RERE: variants seen among roughly 807,000 people sequenced by gnomAD.
RERE encodes arginine-glutamic acid dipeptide repeats.
RERE carries 40 observed loss-of-function variants against 146.1 expected under a neutral mutation model. The observed-to-expected ratio is 0.27, with a 90% CI of 0.21 to 0.36. The LOEUF (loss-of-function observed/expected upper bound fraction) is 0.36. RERE is among the 10% of genes least tolerant of loss of function. RERE has a pLI of 1.00. For missense variants in RERE, 1,933 were observed against 2,138.7 expected, an observed-to-expected ratio of 0.90 and a Z score of 1.90; for synonymous variants, 1,003 against 866.0, an observed-to-expected ratio of 1.16 and a Z score of -2.78.
At chr1:8,388,823 G>A (rs1642779668) in intron 12 of RERE, among the ~76,000 whole-genome samples, 1 of 152,204 alleles carries the variant, frequency 6.6e-6, no homozygotes, top group African/African-American at 2.4e-5. Context: ...ATATGCAAGT[G>A]CTTCCTTGCT....
intron 12 of RERE, among the ~76,000 whole-genome samples, chr1:8,390,764 C>T (rs1642859028): frequency 6.6e-6 from 1 of 152,152 alleles, no homozygotes. Context: ...GAGGGAACTC[C>T]TGATCTTCAC....
rs546893146 is a variant in RERE, at chr1:8,673,159, G to A, written c.-144-16718C>T. Among the ~76,000 whole-genome samples the A allele has an allele frequency of 9.2e-5, 14 of 152,174 alleles. No homozygotes were observed. The East Asian group carries it at 2.3e-3, about 25-fold the overall frequency. On this transcript the variant is annotated intron_variant, in intron 1 of 22. Coordinates refer to ENST00000400908, the MANE Select transcript of RERE (RefSeq NM_001042681.2). ...CGTCACCCAGGCAGTTCAATGGCAC[G>A]ATCTCAGCTCACTGCAACCTCCACC... is the stretch of plus-strand genomic sequence containing the variant.
At chr1:8,534,032 G>A (rs1645692035) in intron 7 of RERE, among the ~76,000 whole-genome samples, 1 of 152,156 alleles carries the variant, frequency 6.6e-6, no homozygotes. Context: ...TGTGATGGCA[G>A]ATAAAAGCAA....
chr1:8,395,454 AAC>A (rs1259211783), intron 12 of RERE, among the ~76,000 whole-genome samples: 3 of 150,770 alleles, frequency 2.0e-5, no homozygotes, highest in Non-Finnish European at 4.4e-5. Flanking sequence ...CAGCCTGAGC[AAC>A]AGAGTGAGGC....
At chr1:8,456,173 G>C (rs2124090811) in intron 11 of RERE, among the ~76,000 whole-genome samples, 1 of 152,292 alleles carries the variant, frequency 6.6e-6, no homozygotes, top group South Asian at 2.1e-4. Flanking sequence ...TTTGACTCAA[G>C]AAAGGAAGAT....
In RERE at chr1:8,360,843, G is replaced by T; in HGVS notation, c.2664C>A (p.Ser888=). The change falls in exon 18 of 23, where the codon TCC becomes TCA. Residue 888 remains serine (S), a synonymous_variant. Coordinates refer to ENST00000400908, the MANE Select transcript of RERE (RefSeq NM_001042681.2). ...AGGTGTGAGGGTACGCTGCTGCTGG[G>T]GAGGTCCCCAGAGGGGCCTGGCCTT... ...ASQGQAPLGT[S]PAAAYPHTSL... 6.5e-7 allele frequency: 1 copy of T among 1,541,924 alleles called. No individual in the cohort carries two copies.
At chr1:8,559,583 T>C (rs1343286835) in intron 4 of RERE, among the ~76,000 whole-genome samples, 1 of 152,126 alleles carries the variant, frequency 6.6e-6, no homozygotes, top group Admixed American at 6.6e-5. Flanking sequence ...ATAAATAGAA[T>C]AAATGTTACA....
intron 19 of RERE, 37 bp from the exon 20 acceptor site, chr1:8,358,953 G>A (rs1179293372): frequency 2.0e-6 from 3 of 1,500,010 alleles, no homozygotes; most frequent in African/African-American, 1.4e-5. Context: ...GGTCCCCCGA[G>A]CGCCTGGGGT....
chr1:8,683,671 A>C (rs916472937), intron 1 of RERE, among the ~76,000 whole-genome samples: 3 of 152,224 alleles, frequency 2.0e-5, no homozygotes, highest in African/African-American at 7.2e-5. Context: ...GACCAGGCGC[A>C]GTGGCTCAGG....
At chr1:8,743,185 C>T (rs1160992789) in intron 1 of RERE, among the ~76,000 whole-genome samples, 1 of 152,002 alleles carries the variant, frequency 6.6e-6, no homozygotes, top group Non-Finnish European at 1.5e-5. Context: ...TGCTTGAGGC[C>T]AGGAGTTTGA....
chr1:8,687,675 C>T (rs956472967), intron 1 of RERE, among the ~76,000 whole-genome samples: 19 of 152,154 alleles, frequency 1.2e-4, no homozygotes, highest in African/African-American at 3.9e-4. Flanking sequence ...AAAGAGATTA[C>T]ATCCCATTTT....
intron 12 of RERE, among the ~76,000 whole-genome samples, chr1:8,417,986 C>T (rs1278910278): frequency 6.6e-6 from 1 of 152,164 alleles, no homozygotes; most frequent in African/African-American, 2.4e-5. Context: ...TCAAACACCG[C>T]CCCTCCAATT....
At position 8,657,662 on chromosome 1, in the gene RERE, C is replaced by T. The variant is rs560036701; in HGVS notation, c.-144-1221G>A. 3.0e-4 allele frequency among the ~76,000 whole-genome samples: 46 copies of T among 152,254 alleles called. 2 individuals are homozygous for T. The highest frequency in any genetic ancestry group is 9.9e-4 in the African/African-American group (41 of 41,532). On this transcript the variant is annotated intron_variant, in intron 1 of 22. Transcript: ENST00000400908. ...AGAAGTTCGAGACCAGCCTGGCCAA[C>T]GTGGTGAAACTCTGTCTCTACTAAA...
At chr1:8,405,526 A>T (rs1453398620) in intron 12 of RERE, among the ~76,000 whole-genome samples, 4 of 152,270 alleles carry the variant, frequency 2.6e-5, no homozygotes, top group African/African-American at 9.6e-5. Context: ...TAGGTTATAG[A>T]ACTGAATGAG....
intron 1 of RERE, among the ~76,000 whole-genome samples, chr1:8,788,579 G>A (rs1001263111): frequency 6.6e-6 from 1 of 151,616 alleles, no homozygotes; most frequent in Non-Finnish European, 1.5e-5. Context: ...TGGCCAGGCT[G>A]GTCTCGAACT....
intron 1 of RERE, among the ~76,000 whole-genome samples, chr1:8,809,300 A>G (rs1328100326): frequency 6.6e-6 from 1 of 152,174 alleles, no homozygotes; most frequent in East Asian, 1.9e-4. Flanking sequence ...ATTACAAACC[A>G]AAATACATAA....
chr1:8,418,889 G>A (rs947864733), intron 12 of RERE, among the ~76,000 whole-genome samples: 1 of 152,106 alleles, frequency 6.6e-6, no homozygotes, highest in Non-Finnish European at 1.5e-5. Flanking sequence ...AGGGCTCAAA[G>A]CAGAATCAAG....
intron 1 of RERE, among the ~76,000 whole-genome samples, chr1:8,696,058 T>C (rs1042926604): frequency 6.6e-6 from 1 of 152,100 alleles, no homozygotes; most frequent in Non-Finnish European, 1.5e-5. Context: ...AGAATGGCTA[T>C]TATTAAAAAG....
At chr1:8,607,078 C>T (rs1021467238) in intron 4 of RERE, among the ~76,000 whole-genome samples, 3 of 152,084 alleles carry the variant, frequency 2.0e-5, no homozygotes, top group South Asian at 2.1e-4. Flanking sequence ...AAGATATTGC[C>T]GGCCAGACGC....
Sources: gnomAD v4.1 joint callset for allele counts (sites outside exome capture counted in the v4.1 genomes callset) on GRCh38, gnomAD v4.1.1 for gene constraint, MANE v1.5 for transcripts, NCBI Gene and HGNC (gene_info 2026-07-23, HGNC 2026-07-21) for gene names.